RNF150: variants seen among roughly 807,000 people sequenced by gnomAD.
The protein encoded by RNF150 is ring finger protein 150.
RNF150 carries 24 observed loss-of-function variants against 39.3 expected under a neutral mutation model. The observed-to-expected ratio is 0.61, with a 90% CI of 0.44 to 0.86. The LOEUF (loss-of-function observed/expected upper bound fraction) is 0.86, where lower values mean the gene tolerates loss of function less well. Ranked by LOEUF, RNF150 falls within the 40% of genes least tolerant of loss-of-function variation. RNF150 has a pLI of 0.00. For synonymous variants in RNF150, 255 were observed against 227.3 expected, an observed-to-expected ratio of 1.12 and a Z score of -1.10; for missense variants, 502 against 587.8, an observed-to-expected ratio of 0.85 and a Z score of 1.51.
Position 140,949,381 on chromosome 4 carries a change from C to T in RNF150, c.736-9G>A. 1 of 1,611,116 alleles carries T rather than the reference C, an allele frequency of 6.2e-7. No individual in the cohort carries two copies. The highest frequency in any genetic ancestry group is 1.7e-5 in the Admixed American group (1 of 59,894). Reference sequence around the variant, plus strand: ...GCATCCCCCAGTCGGCGCTGAAAAGCCAAAACGTGCTTGTTAATAATAAAG... The same window carrying T: ...GCATCCCCCAGTCGGCGCTGAAAAGTCAAAACGTGCTTGTTAATAATAAAG... On this transcript the variant is annotated splice_polypyrimidine_tract_variant and intron_variant, in intron 2 of 6. Transcript: ENST00000515673.
At chr4:141,025,131 G>C (rs1422784843) in intron 1 of RNF150, among the ~76,000 whole-genome samples, 1 of 151,986 alleles carries the variant, frequency 6.6e-6, no homozygotes, top group Non-Finnish European at 1.5e-5. Flanking sequence ...AACTCTTCAA[G>C]AAATTCTGAT....
intron 4 of RNF150, among the ~76,000 whole-genome samples, chr4:140,934,347 A>G (rs1731757808): frequency 6.6e-6 from 1 of 152,216 alleles, no homozygotes; most frequent in Non-Finnish European, 1.5e-5. Context: ...GACAAACGGA[A>G]AAAAGCTGCA....
chr4:140,873,616 T>C (rs1729038478), intron 6 of RNF150, among the ~76,000 whole-genome samples: 1 of 152,214 alleles, frequency 6.6e-6, no homozygotes, highest in South Asian at 2.1e-4. Flanking sequence ...TCATTCTCTG[T>C]CTTCAATCTT....
chr4:140,940,638 C>G (rs1269937127), intron 4 of RNF150, among the ~76,000 whole-genome samples: 1 of 152,152 alleles, frequency 6.6e-6, no homozygotes, highest in African/African-American at 2.4e-5. Context: ...CAGCTAGGAC[C>G]AAGATGGCAA....
At chr4:141,186,948 G>C (rs1728023691) in intron 1 of RNF150, among the ~76,000 whole-genome samples, 1 of 152,034 alleles carries the variant, frequency 6.6e-6, no homozygotes, top group South Asian at 2.1e-4. Flanking sequence ...GTGATGTTAG[G>C]GTGTCGATTA....
rs1471826294 is a variant in RNF150 at position 140,967,622 on chromosome 4, C to T, written c.735+1G>A. 1 of 1,601,784 alleles carries T rather than the reference C, an allele frequency of 6.2e-7. No individual in the cohort carries two copies. Among genetic ancestry groups the T allele is most frequent in the Non-Finnish European group, 8.5e-7 (1 of 1,170,766 alleles). The stretch of plus-strand genomic sequence containing the variant: ...AAGTTTTTTAACTTTTTGCTACTCA[C>T]CTGGTTCCTATCCCTGGCATTTGCA... On this transcript the variant is annotated splice_donor_variant, in intron 2 of 6. Coordinates refer to ENST00000515673, the MANE Select transcript of RNF150 (RefSeq NM_020724.2). LOFTEE classifies it high-confidence loss of function.
At chr4:140,916,513 ACAAAG>A (rs1377454270) in intron 5 of RNF150, among the ~76,000 whole-genome samples, 2 of 152,196 alleles carry the variant, frequency 1.3e-5, no homozygotes, top group Non-Finnish European at 2.9e-5. Flanking sequence ...AAAGAAATGA[ACAAAG>A]CCTCCAAGAA....
chr4:141,081,023 G>A (rs1190894952), intron 1 of RNF150, among the ~76,000 whole-genome samples: 1 of 152,210 alleles, frequency 6.6e-6, no homozygotes, highest in Non-Finnish European at 1.5e-5. Context: ...TTGCAGAGCA[G>A]CACGACTTCT....
chr4:140,902,067 C>A (rs1176588560), intron 6 of RNF150, among the ~76,000 whole-genome samples: 5 of 152,084 alleles, frequency 3.3e-5, no homozygotes, highest in Non-Finnish European at 7.4e-5. Context: ...AAAACACTGA[C>A]AAAAACAGAT....
At chr4:140,933,572 G>A (rs1266424948) in intron 4 of RNF150, among the ~76,000 whole-genome samples, 1 of 152,186 alleles carries the variant, frequency 6.6e-6, no homozygotes, top group Non-Finnish European at 1.5e-5. Flanking sequence ...TACTCAACCT[G>A]TATTATGATA....
intron 1 of RNF150, among the ~76,000 whole-genome samples, chr4:140,979,181 G>C (rs1733771148): frequency 6.6e-6 from 1 of 151,992 alleles, no homozygotes; most frequent in Admixed American, 6.6e-5. Context: ...ATCTGAATTT[G>C]ACTGGAAAAA....
chr4:141,000,528 TG>T (rs1205940878), intron 1 of RNF150, among the ~76,000 whole-genome samples: 1 of 152,184 alleles, frequency 6.6e-6, no homozygotes, highest in African/African-American at 2.4e-5. Flanking sequence ...CCAATTGCCA[TG>T]CTGGTAATAG....
intron 4 of RNF150, 138 bp downstream of exon 4, chr4:140,947,516 T>C (rs1489134966): frequency 4.4e-6 from 3 of 685,744 alleles, no homozygotes; most frequent in Non-Finnish European, 7.8e-6. Context: ...AATGTTAGGG[T>C]TGTCTGCAAT....
intron 1 of RNF150, among the ~76,000 whole-genome samples, chr4:141,012,170 G>A (rs1418821861): frequency 2.6e-5 from 4 of 152,200 alleles, no homozygotes; most frequent in African/African-American, 4.8e-5. Flanking sequence ...CCTACAAAGA[G>A]CTTATGAAAG....
intron 1 of RNF150, among the ~76,000 whole-genome samples, chr4:141,125,904 C>G (rs749339341): frequency 6.6e-6 from 1 of 152,142 alleles, no homozygotes; most frequent in Non-Finnish European, 1.5e-5. Flanking sequence ...TAGATATGTA[C>G]TTCTATGACC....
intron 1 of RNF150, among the ~76,000 whole-genome samples, chr4:141,174,627 C>G (rs527622846): frequency 5.3e-5 from 8 of 152,162 alleles, no homozygotes; most frequent in Admixed American, 3.3e-4. Context: ...TATTTGGTTC[C>G]TTGGTCCCTA....
intron 1 of RNF150, among the ~76,000 whole-genome samples, chr4:141,156,890 G>C (rs1037751804): frequency 3.9e-5 from 6 of 152,112 alleles, no homozygotes; most frequent in Admixed American, 3.9e-4. Flanking sequence ...CTGGGCAGTA[G>C]AGTGAGATTA....
intron 1 of RNF150, among the ~76,000 whole-genome samples, chr4:141,120,133 A>G (rs1445713620): frequency 6.6e-6 from 1 of 152,244 alleles, no homozygotes; most frequent in Non-Finnish European, 1.5e-5. Context: ...CCAAGCCATC[A>G]TGGAGTTTAT....
intron 1 of RNF150, among the ~76,000 whole-genome samples, chr4:141,050,845 C>A (rs1442620015): frequency 6.6e-6 from 1 of 152,156 alleles, no homozygotes; most frequent in East Asian, 1.9e-4. Context: ...TGGAGAATAG[C>A]AACAGCCCTC....
Sources: allele counts gnomAD v4.1 joint callset (sites outside exome capture counted in the v4.1 genomes callset), GRCh38; gene constraint gnomAD v4.1.1; transcripts MANE v1.5; gene names NCBI Gene and HGNC (gene_info 2026-07-23, HGNC 2026-07-21).